The following FNDC3B variants were observed in gnomAD, a reference collection of about 807,000 sequenced individuals.
The protein encoded by FNDC3B is fibronectin type III domain containing 3B.
A neutral mutation model predicts 151.5 loss-of-function variants in FNDC3B; 12 were observed. The observed-to-expected ratio is 0.08, with a 90% CI of 0.05 to 0.13. FNDC3B has a LOEUF of 0.13. Among genes scored for constraint, FNDC3B ranks in the 10% least tolerant of loss-of-function variants. FNDC3B has a pLI of 1.00. For synonymous variants in FNDC3B, 528 were observed against 549.0 expected (o/e 0.96, Z 0.54); for missense variants, 1,214 against 1,505.3 (o/e 0.81, Z 3.20).
chr3:172,224,916 C>G (rs1441477926), intron 3 of FNDC3B, among the ~76,000 whole-genome samples: 1 of 152,184 alleles, frequency 6.6e-6, no homozygotes, highest in African/African-American at 2.4e-5. Context: ...AAATAGAAAA[C>G]CAGTGGCCAT....
At chr3:172,274,317 C>T (rs9883740) in intron 6 of FNDC3B, among the ~76,000 whole-genome samples, 31,400 of 151,932 alleles carry the variant, frequency 0.21, 4,507 homozygotes, top group African/African-American at 0.42. Context: ...TCTCTTCCAG[C>T]GGATAGATTT....
intron 21 of FNDC3B, among the ~76,000 whole-genome samples, chr3:172,347,653 G>A (rs529527067): frequency 6.6e-6 from 1 of 152,288 alleles, no homozygotes; most frequent in Admixed American, 6.5e-5. Flanking sequence ...CCAAGTCCAA[G>A]GGAAAGATGA....
At chr3:172,260,032 G>C (rs137980879) in intron 6 of FNDC3B, among the ~76,000 whole-genome samples, 86 of 152,336 alleles carry the variant, frequency 5.6e-4, no homozygotes, top group Non-Finnish European at 1.0e-3. Flanking sequence ...ACTGAACTCT[G>C]TAAACCCATG....
intron 3 of FNDC3B, chr3:172,184,324 G>GA (rs1370626449): frequency 6.6e-6 from 1 of 152,178 alleles, no homozygotes; most frequent in Non-Finnish European, 1.5e-5. Context: ...TGACAATGAA[G>GA]AAAGAGTTAA....
intron 6 of FNDC3B, among the ~76,000 whole-genome samples, chr3:172,279,361 G>T (rs573032944): frequency 2.0e-5 from 3 of 152,316 alleles, no homozygotes; most frequent in Admixed American, 2.0e-4. Flanking sequence ...GCTTGGAAAA[G>T]AAATTCATTT....
At chr3:172,104,553 C>T (rs774396606) in intron 1 of FNDC3B, among the ~76,000 whole-genome samples, 2 of 152,026 alleles carry the variant, frequency 1.3e-5, no homozygotes, top group African/African-American at 4.8e-5. Context: ...TGTACAGGAG[C>T]GATTAGCTCA....
intron 4 of FNDC3B, among the ~76,000 whole-genome samples, chr3:172,245,088 T>G (rs911676010): frequency 6.6e-6 from 1 of 152,210 alleles, no homozygotes; most frequent in African/African-American, 2.4e-5. Context: ...TCAAGCAATT[T>G]TTATATGTAC....
rs928107282 is a variant in FNDC3B at position 172,392,937 on chromosome 3, G to T, written c.3304-4227G>T. On this transcript the variant is annotated intron_variant, in intron 25 of 25. Coordinates refer to ENST00000415807, the MANE Select transcript of FNDC3B (RefSeq NM_022763.4). The stretch of plus-strand genomic sequence containing the variant: ...TTCTTCTGCCTGTATCCTGTATCTG[G>T]GATTACAGGCATATGCCACCCTACC... Among the ~76,000 whole-genome samples, 89 of 149,560 alleles carry T rather than the reference G, an allele frequency of 6.0e-4. 2 individuals are homozygous for T. Among genetic ancestry groups the T allele is most frequent in the South Asian group, 4.3e-4 (2 of 4,672 alleles).
At chr3:172,133,344 C>T (rs1313375001) in intron 2 of FNDC3B, 127 bp from the exon 3 acceptor site, 1 of 708,512 alleles carries the variant, frequency 1.4e-6, no homozygotes, top group East Asian at 2.7e-5. Flanking sequence ...ACTTATACTC[C>T]AAGTTTTGTG....
intron 7 of FNDC3B, among the ~76,000 whole-genome samples, chr3:172,290,215 G>T (rs1238571037): frequency 6.6e-6 from 1 of 152,222 alleles, no homozygotes; most frequent in Non-Finnish European, 1.5e-5. Context: ...TGCAGAACTT[G>T]TGGATTCCAG....
At chr3:172,382,172 C>T (rs541226563) in intron 25 of FNDC3B, among the ~76,000 whole-genome samples, 18 of 152,280 alleles carry the variant, frequency 1.2e-4, no homozygotes, top group African/African-American at 3.8e-4. Flanking sequence ...TTCTAACTGG[C>T]GTGAAATGGT....
chr3:172,336,303 T>G (rs550519542), intron 15 of FNDC3B, among the ~76,000 whole-genome samples: 2 of 152,352 alleles, frequency 1.3e-5, no homozygotes, highest in Non-Finnish European at 1.5e-5. Context: ...AAAATTAGAC[T>G]GCAAAGGAAG....
chr3:172,257,350 G>A (rs1423682536), intron 6 of FNDC3B, among the ~76,000 whole-genome samples: 2 of 152,174 alleles, frequency 1.3e-5, no homozygotes, highest in African/African-American at 4.8e-5. Flanking sequence ...GAATGGAATT[G>A]TAAGATTTTA....
chr3:172,044,518 A>G (rs1716266837), intron 1 of FNDC3B, among the ~76,000 whole-genome samples: 1 of 152,062 alleles, frequency 6.6e-6, no homozygotes, highest in African/African-American at 2.4e-5. Flanking sequence ...GTTCTATGTT[A>G]TTTTAGTGTT....
At chr3:172,388,957 C>G (rs1053764271) in intron 25 of FNDC3B, among the ~76,000 whole-genome samples, 3 of 152,160 alleles carry the variant, frequency 2.0e-5, no homozygotes, top group African/African-American at 4.8e-5. Context: ...AATCAGTAAT[C>G]CCATAATCAC....
At chr3:172,349,732 T>C (rs542315984) in intron 21 of FNDC3B, among the ~76,000 whole-genome samples, 3 of 152,314 alleles carry the variant, frequency 2.0e-5, no homozygotes, top group Admixed American at 6.5e-5. Flanking sequence ...CTTGGCTCAC[T>C]GCAACCTCCG....
chr3:172,110,474 C>T (rs191337616), intron 1 of FNDC3B, among the ~76,000 whole-genome samples: 16 of 152,040 alleles, frequency 1.1e-4, no homozygotes, highest in Admixed American at 7.9e-4. Flanking sequence ...ATTTACTGTA[C>T]GCTGGCCTAA....
Position 172,397,945 on chromosome 3 carries a change from A to G in FNDC3B, c.*470A>G, listed in dbSNP as rs77763588. The G allele has an allele frequency of 6.5e-6, 1 of 152,774 alleles. No individual in the cohort carries two copies. Among genetic ancestry groups the G allele is most frequent in the African/African-American group, 2.4e-5 (1 of 41,578 alleles). The allele number at this position is 152,774 out of a possible 1,614,324, so 9.5% of individuals were successfully genotyped here. A position where few individuals can be genotyped will look rare whatever the true frequency, so the allele number is the denominator to read the frequency against. ...GTTGTCAGAGTATTACCACACAGCA[A>G]CAGCAACATACAGAAGATATGTTCA... On this transcript the variant is annotated 3_prime_UTR_variant, in exon 26 of 26. Coordinates refer to ENST00000415807, the MANE Select transcript of FNDC3B (RefSeq NM_022763.4).
At chr3:172,116,873 C>A (rs1720284415) in intron 2 of FNDC3B, among the ~76,000 whole-genome samples, 1 of 152,162 alleles carries the variant, frequency 6.6e-6, no homozygotes. Flanking sequence ...GTTCACTCAA[C>A]ACATTTCTAA....
Sources: allele counts gnomAD v4.1 joint callset (sites outside exome capture counted in the v4.1 genomes callset), GRCh38; gene constraint gnomAD v4.1.1; transcripts MANE v1.5; gene names NCBI Gene and HGNC (gene_info 2026-07-23, HGNC 2026-07-21).